The following TNIK variants were observed in gnomAD, a reference collection of about 807,000 sequenced individuals.
TNIK encodes the protein TRAF2 and NCK interacting kinase, also known as TRAF2 and NCK-interacting protein kinase.
TNIK carries 49 observed loss-of-function variants against 191.3 expected under a neutral mutation model. That is an observed-to-expected ratio of 0.26 (90% CI 0.20 to 0.32). The LOEUF (loss-of-function observed/expected upper bound fraction) is 0.32, where lower values mean the gene tolerates loss of function less well. Among genes scored for constraint, TNIK ranks in the 10% least tolerant of loss-of-function variants. The pLI, the probability that TNIK is intolerant of heterozygous loss-of-function variation, is 1.00. For missense variants in TNIK, 1,155 were observed against 1,702.3 expected, an observed-to-expected ratio of 0.68 and a Z score of 5.66; for synonymous variants, 594 against 600.9, an observed-to-expected ratio of 0.99 and a Z score of 0.17.
intron 3 of TNIK, among the ~76,000 whole-genome samples, chr3:171,212,419 T>G (rs942905561): frequency 6.6e-6 from 1 of 152,108 alleles, no homozygotes; most frequent in Non-Finnish European, 1.5e-5. Context: ...CCTGCTGTAT[T>G]TGTTGACATT....
intron 7 of TNIK, among the ~76,000 whole-genome samples, chr3:171,185,178 CGTGTGTGT>C (rs148499254): frequency 0.17 from 25,181 of 145,892 alleles, 3,571 homozygotes; most frequent in African/African-American, 0.39. Flanking sequence ...ATAGATTTCC[CGTGTGTGT>C]GTGTGTGTGT....
In TNIK at chr3:171,239,985, G is replaced by T. The variant is rs926249702; in HGVS notation, c.124-11764C>A. Among the ~76,000 whole-genome samples the T allele has an allele frequency of 4.6e-5, 7 of 152,296 alleles. No homozygotes were observed. The East Asian group carries it at 1.4e-3, about 29-fold the overall frequency. On this transcript the variant is annotated intron_variant, in intron 2 of 32. Coordinates refer to ENST00000436636, the MANE Select transcript of TNIK (RefSeq NM_015028.4). ...AACAAGGGCTGTTTTAAGTAAATAT[G>T]ATCTGCCCCAAGCTCTGGGTAGGCC...
intron 1 of TNIK, among the ~76,000 whole-genome samples, chr3:171,428,753 C>T (rs1476878424): frequency 1.3e-5 from 2 of 152,184 alleles, no homozygotes; most frequent in Non-Finnish European, 2.9e-5. Context: ...TACCTCCTTC[C>T]TCAAATTCTC....
intron 27 of TNIK, among the ~76,000 whole-genome samples, chr3:171,081,081 C>T (rs1489923633): frequency 6.6e-6 from 1 of 152,160 alleles, no homozygotes; most frequent in Non-Finnish European, 1.5e-5. Context: ...GTTGCATTCC[C>T]ACTTTTGGCA....
intron 2 of TNIK, among the ~76,000 whole-genome samples, chr3:171,275,438 ATAT>A (rs1440638940): frequency 6.6e-6 from 1 of 152,204 alleles, no homozygotes; most frequent in Non-Finnish European, 1.5e-5. Context: ...AGCCAAGAAA[ATAT>A]TATAACCATA....
intron 27 of TNIK, among the ~76,000 whole-genome samples, chr3:171,081,898 A>G (rs1720738567): frequency 6.6e-6 from 1 of 152,152 alleles, no homozygotes; most frequent in South Asian, 2.1e-4. Flanking sequence ...ATGTCCCTCT[A>G]GGAAGCCTGC....
chr3:171,333,239 T>TA lies in TNIK; in HGVS notation c.123+36380dup, dbSNP rs369479324. 4.9e-3 allele frequency among the ~76,000 whole-genome samples: 744 copies of TA among 151,556 alleles called. 13 individuals carry two copies. Among genetic ancestry groups the TA allele is most frequent in the African/African-American group, 0.016 (666 of 41,216 alleles). Reference sequence around the variant, plus strand: ...ACTTTTACATAAAGTCTAGCTTTTCTAAAAAAAAGAAGAAGAATCTAAGAT... The same window carrying TA: ...ACTTTTACATAAAGTCTAGCTTTTCTAAAAAAAAAGAAGAAGAATCTAAGAT... On this transcript the variant is annotated intron_variant, in intron 2 of 32. Transcript: ENST00000436636.
chr3:171,178,299 CAG>C (rs1736210956), intron 7 of TNIK, among the ~76,000 whole-genome samples: 1 of 152,118 alleles, frequency 6.6e-6, no homozygotes, highest in Non-Finnish European at 1.5e-5. Context: ...AAGATGAGGA[CAG>C]GGAGACTTTT....
chr3:171,241,675 T>C (rs762719335), intron 2 of TNIK, among the ~76,000 whole-genome samples: 9 of 152,220 alleles, frequency 5.9e-5, no homozygotes, highest in Non-Finnish European at 1.0e-4. Flanking sequence ...CTAAGATATA[T>C]TTCTGCTAGC....
intron 2 of TNIK, among the ~76,000 whole-genome samples, chr3:171,317,704 A>G (rs528310295): frequency 2.2e-4 from 34 of 152,284 alleles, no homozygotes; most frequent in African/African-American, 7.7e-4. Flanking sequence ...CAGACTTTCT[A>G]GTTTACAGTC....
rs144764388 is a variant in TNIK, at chr3:171,297,116, A to G, written c.124-68895T>C. 1.8e-3 allele frequency among the ~76,000 whole-genome samples: 270 copies of G among 152,236 alleles called. 3 individuals carry two copies. Among genetic ancestry groups the G allele is most frequent in the African/African-American group, 6.1e-3 (254 of 41,546 alleles). On this transcript the variant is annotated intron_variant, in intron 2 of 32. Transcript: ENST00000436636. Reference sequence around the variant, plus strand: ...ACAGCTATAATTTGGTGTCGTTTTCAGTGTTGGCTCTGAGATCTCAGTCTC... The same window carrying G: ...ACAGCTATAATTTGGTGTCGTTTTCGGTGTTGGCTCTGAGATCTCAGTCTC...
At chr3:171,455,858 T>C (rs1198072801) in intron 1 of TNIK, among the ~76,000 whole-genome samples, 1 of 152,178 alleles carries the variant, frequency 6.6e-6, no homozygotes, top group Non-Finnish European at 1.5e-5. Context: ...ATCCAACTAA[T>C]GGAGACTATG....
chr3:171,315,316 T>G (rs1394772177), intron 2 of TNIK, among the ~76,000 whole-genome samples: 1 of 152,278 alleles, frequency 6.6e-6, no homozygotes, highest in South Asian at 2.1e-4. Context: ...CCACATTTTT[T>G]CCTGTTAATA....
At chr3:171,231,551 C>T (rs775567130) in intron 2 of TNIK, among the ~76,000 whole-genome samples, 2 of 151,982 alleles carry the variant, frequency 1.3e-5, no homozygotes, top group African/African-American at 4.8e-5. Context: ...TATCCCCACG[C>T]GCTAGAGCAG....
At chr3:171,412,899 A>G (rs979675375) in intron 1 of TNIK, among the ~76,000 whole-genome samples, 2 of 152,234 alleles carry the variant, frequency 1.3e-5, no homozygotes, top group Non-Finnish European at 2.9e-5. Context: ...CAGAGGGAAC[A>G]CAGCCAAGCT....
At chr3:171,068,706 A>G (rs1718780016) in intron 30 of TNIK, 142 bp downstream of exon 30, 2 of 659,878 alleles carry the variant, frequency 3.0e-6, no homozygotes, top group Non-Finnish European at 4.5e-6. Context: ...TATTAAAAGC[A>G]GTATACTTAA....
chr3:171,116,020 G>C (rs1726632090), intron 18 of TNIK, among the ~76,000 whole-genome samples: 1 of 152,226 alleles, frequency 6.6e-6, no homozygotes, highest in Non-Finnish European at 1.5e-5. Context: ...GAGCTAACCA[G>C]TGTGGGTGCT....
At chr3:171,240,880 C>T (rs1744880167) in intron 2 of TNIK, among the ~76,000 whole-genome samples, 1 of 152,116 alleles carries the variant, frequency 6.6e-6, no homozygotes, top group African/African-American at 2.4e-5. Flanking sequence ...GTCTTGAGGG[C>T]AGCGGCTTCT....
Position 171,179,460 on chromosome 3 carries a change from T to C in TNIK, c.640-2080A>G, listed in dbSNP as rs184396712. Among the ~76,000 whole-genome samples the C allele has an allele frequency of 5.0e-4, 76 of 152,164 alleles. 2 individuals are homozygous for C. The highest frequency in any genetic ancestry group is 3.3e-4 in the Admixed American group (5 of 15,296). On this transcript the variant is annotated intron_variant, in intron 7 of 32. Transcript: ENST00000436636. ...ATTGTACCTGGGTTTTTTGTTTTTT[T>C]TTTTTCTTTGAGACGGAGTCTCGCT...
Sources: allele counts gnomAD v4.1 joint callset (sites outside exome capture counted in the v4.1 genomes callset), GRCh38; gene constraint gnomAD v4.1.1; transcripts MANE v1.5; gene names NCBI Gene and HGNC (gene_info 2026-07-23, HGNC 2026-07-21).